The following RASSF6 variants were observed in gnomAD, a reference collection of about 807,000 sequenced individuals.
RASSF6 encodes the protein ras association domain-containing protein 6.
In RASSF6, 52 loss-of-function variants were observed where a neutral mutation model predicts 44.0. That is an observed-to-expected ratio of 1.18 (90% CI 0.95 to 1.49). The LOEUF is 1.49. Among genes scored for constraint, RASSF6 ranks in the 40% most tolerant of loss-of-function variants. The pLI is 0.00. For missense variants in RASSF6, 464 were observed against 393.3 expected, an observed-to-expected ratio of 1.18 and a Z score of -1.52; for synonymous variants, 162 against 124.6, an observed-to-expected ratio of 1.30 and a Z score of -2.00.
chr4:73,587,164 A>G (rs953021624), intron 5 of RASSF6, among the ~76,000 whole-genome samples: 7 of 152,058 alleles, frequency 4.6e-5, no homozygotes, highest in African/African-American at 1.7e-4. Flanking sequence ...TACTTACCAG[A>G]GTCTCATCAG....
intron 4 of RASSF6, among the ~76,000 whole-genome samples, chr4:73,593,138 C>G (rs558125561): frequency 1.3e-5 from 2 of 152,110 alleles, no homozygotes; most frequent in Admixed American, 1.3e-4. Context: ...GCCTCAGCCT[C>G]CCGAGTAGCT....
chr4:73,593,455 T>C lies in RASSF6; in HGVS notation c.283A>G (p.Lys95Glu). The C allele has an allele frequency of 6.2e-7, 1 of 1,601,196 alleles. No homozygotes were observed. Among genetic ancestry groups the C allele is most frequent in the Admixed American group, 1.8e-5 (1 of 56,428 alleles). The change falls in exon 4 of 11, where the codon AAA (lysine) becomes GAA (glutamate). Residue 95 changes from lysine to glutamate, a missense_variant. Coordinates refer to ENST00000307439, the MANE Select transcript of RASSF6 (RefSeq NM_177532.5). ...SMKSSDVFSS[K>E]GMTRWGEFDD... ...AAAACATGAAAGATAGCTTACCCTTTGCTGGAGAAGACGTCTGATGACTTC... is the reference window on the plus strand; with the variant it reads ...AAAACATGAAAGATAGCTTACCCTTCGCTGGAGAAGACGTCTGATGACTTC...
At chr4:73,610,634 G>A (rs1578063818) in intron 2 of RASSF6, among the ~76,000 whole-genome samples, 2 of 152,098 alleles carry the variant, frequency 1.3e-5, no homozygotes, top group South Asian at 4.1e-4. Flanking sequence ...GAATACCTGC[G>A]AAAGCTGCAT....
At chr4:73,615,285 C>A (rs971665408) in intron 1 of RASSF6, among the ~76,000 whole-genome samples, 1 of 152,046 alleles carries the variant, frequency 6.6e-6, no homozygotes, top group Non-Finnish European at 1.5e-5. Flanking sequence ...TTCCCATTCC[C>A]ATTCACCATG....
rs1169169691 is a variant in RASSF6 at position 73,574,749 on chromosome 4, AT to A, written c.*1485del. 1.3e-5 allele frequency: 2 copies of A among 151,100 alleles called. No homozygotes were observed. The highest frequency in any genetic ancestry group is 1.3e-4 in the Admixed American group (2 of 15,160). The allele number at this position is 151,100 out of a possible 1,614,324, so 9.4% of individuals were successfully genotyped here. On this transcript the variant is annotated 3_prime_UTR_variant, in exon 11 of 11. Transcript: ENST00000307439. Reference sequence around the variant, plus strand: ...GGCCATTTGCATTCTCTCTTCTGTGATTTTTCTTTTCATATCTACCTTTTTT... The same window carrying A: ...GGCCATTTGCATTCTCTCTTCTGTGATTTTCTTTTCATATCTACCTTTTTT...
intron 8 of RASSF6, among the ~76,000 whole-genome samples, chr4:73,578,440 C>T (rs1418756326): frequency 6.6e-6 from 1 of 152,042 alleles, no homozygotes; most frequent in Non-Finnish European, 1.5e-5. Context: ...TTCCCTTCCC[C>T]AAACATGCAT....
At position 73,615,850 on chromosome 4, in the gene RASSF6, G is replaced by A. The variant is rs778607753; in HGVS notation, c.-34-4021C>T. On this transcript the variant is annotated intron_variant, in intron 1 of 10. Coordinates refer to ENST00000307439, the MANE Select transcript of RASSF6 (RefSeq NM_177532.5). ...GCTGGAACGTGGTTCACCTCCCCCT[G>A]CTCTGCATTCCTGCCTAGAGGTGGG... The A allele has an allele frequency of 7.2e-6, 11 of 1,522,060 alleles. No homozygotes were observed. In the South Asian group the frequency reaches 1.2e-4, roughly 17 times the overall value. The allele number at this position is 1,522,060 out of a possible 1,614,324, so 94.3% of individuals were successfully genotyped here. A position where few individuals can be genotyped will look rare whatever the true frequency, so the allele number is the denominator to read the frequency against.
chr4:73,596,403 G>A (rs1343864791), intron 3 of RASSF6, among the ~76,000 whole-genome samples: 1 of 152,098 alleles, frequency 6.6e-6, no homozygotes, highest in African/African-American at 2.4e-5. Flanking sequence ...AAATACCTAG[G>A]AGTACAGCTA....
At chr4:73,610,487 T>C (rs1725930759) in intron 2 of RASSF6, among the ~76,000 whole-genome samples, 1 of 152,210 alleles carries the variant, frequency 6.6e-6, no homozygotes, top group African/African-American at 2.4e-5. Flanking sequence ...TAATGGCCTA[T>C]CAAACCCTAC....
At chr4:73,602,130 G>T (rs189236632) in intron 2 of RASSF6, among the ~76,000 whole-genome samples, 1 of 152,344 alleles carries the variant, frequency 6.6e-6, no homozygotes, top group East Asian at 1.9e-4. Context: ...TTCCAAGAAT[G>T]CAACATGTAA....
intron 2 of RASSF6, among the ~76,000 whole-genome samples, chr4:73,607,162 A>C (rs575952404): frequency 6.6e-6 from 1 of 152,372 alleles, no homozygotes; most frequent in African/African-American, 2.4e-5. Flanking sequence ...AGTATGTAGA[A>C]TGTATCTAAT....
At chr4:73,617,716 G>A (rs553514367) in intron 1 of RASSF6, among the ~76,000 whole-genome samples, 2 of 152,218 alleles carry the variant, frequency 1.3e-5, no homozygotes, top group South Asian at 4.1e-4. Context: ...GTTAAGTTTG[G>A]TTGTTGAGAT....
intron 1 of RASSF6, among the ~76,000 whole-genome samples, chr4:73,616,217 A>ATC (rs1478531728): frequency 1.9e-4 from 27 of 144,864 alleles, no homozygotes; most frequent in Middle Eastern, 3.5e-3. Context: ...ATATACATAT[A>ATC]TCTATATCTA....
intron 1 of RASSF6, among the ~76,000 whole-genome samples, chr4:73,619,350 C>G (rs978138736): frequency 6.6e-6 from 1 of 152,092 alleles, no homozygotes; most frequent in Non-Finnish European, 1.5e-5. Context: ...TCGTTGCTAC[C>G]CAGAGAGATG....
In RASSF6 at chr4:73,585,213, T is replaced by C. The variant is rs771505991; in HGVS notation, c.534A>G (p.Arg178=). The C allele has an allele frequency of 6.2e-7, 1 of 1,610,244 alleles. No individual in the cohort carries two copies. Among genetic ancestry groups the C allele is most frequent in the Non-Finnish European group, 8.5e-7 (1 of 1,178,398 alleles). ...MMDRKERQKN[R]ASINGHFYNH... Reference sequence around the variant, plus strand: ...TATAGAAGTGTCCATTAATAGAGGCTCTATTTTTCTGTCTTTCTTTTCTGT... The same window carrying C: ...TATAGAAGTGTCCATTAATAGAGGCCCTATTTTTCTGTCTTTCTTTTCTGT... The change falls in exon 6 of 11, where the codon AGA becomes AGG. Residue 178 remains arginine (R), a synonymous_variant. Coordinates refer to ENST00000307439, the MANE Select transcript of RASSF6 (RefSeq NM_177532.5).
In RASSF6 at chr4:73,588,783, G is replaced by GTCATCATCATCATCATCA. The variant is rs71217483; in HGVS notation, c.288-867_288-850dup. ...AATTATAATTATCCTCATCTCCATT[G>GTCATCATCATCATCATCA]TCATCATCATCATCATCATCATCAT... On this transcript the variant is annotated intron_variant, in intron 4 of 10. Coordinates refer to ENST00000307439, the MANE Select transcript of RASSF6 (RefSeq NM_177532.5). Among the ~76,000 whole-genome samples the GTCATCATCATCATCATCA allele has an allele frequency of 1.5e-3, 216 of 148,696 alleles. 2 individuals carry two copies. In the South Asian group the frequency reaches 0.025, roughly 17 times the overall value.
intron 2 of RASSF6, among the ~76,000 whole-genome samples, chr4:73,610,740 T>C (rs967969711): frequency 6.6e-6 from 1 of 152,212 alleles, no homozygotes; most frequent in African/African-American, 2.4e-5. Flanking sequence ...CTTTCCGCTC[T>C]CTATCTCTAG....
intron 2 of RASSF6, among the ~76,000 whole-genome samples, chr4:73,600,194 G>T (rs1354043388): frequency 6.6e-6 from 1 of 151,938 alleles, no homozygotes; most frequent in Admixed American, 6.6e-5. Flanking sequence ...CTTATGTTCT[G>T]TCTCCTCCAT....
intron 1 of RASSF6, 131 bp from the exon 2 acceptor site, chr4:73,611,960 A>G (rs891981659): frequency 2.0e-6 from 1 of 504,698 alleles, no homozygotes. Context: ...GTAGTATGTC[A>G]TGTGTGAGCA....
Sources: allele counts gnomAD v4.1 joint callset (sites outside exome capture counted in the v4.1 genomes callset), GRCh38; gene constraint gnomAD v4.1.1; transcripts MANE v1.5; gene names NCBI Gene and HGNC (gene_info 2026-07-23, HGNC 2026-07-21).